The following SLC5A9 variants were observed in gnomAD, a reference collection of about 807,000 sequenced individuals.
SLC5A9 encodes the protein solute carrier family 5 member 9, also known as sodium/glucose cotransporter 4.
In SLC5A9, 59 loss-of-function variants were observed where a neutral mutation model predicts 70.9. The observed-to-expected ratio is 0.83, with a 90% CI of 0.68 to 1.03. The LOEUF (loss-of-function observed/expected upper bound fraction) is 1.03. Among genes scored for constraint, SLC5A9 ranks in the 50% least tolerant of loss-of-function variants. The pLI is 0.00. For synonymous variants in SLC5A9, 340 were observed against 346.5 expected (o/e 0.98, Z 0.21); for missense variants, 832 against 881.1 (o/e 0.94, Z 0.71).
Position 48,228,860 on chromosome 1 carries a change from C to G in SLC5A9, c.245C>G (p.Ser82Cys), listed in dbSNP as rs1644202146. The change falls in exon 3 of 14, where the codon TCT (serine) becomes TGT (cysteine). Residue 82 changes from serine (S) to cysteine (C), a missense_variant. Ser to Cys is a moderately radical substitution (Grantham distance 112). Coordinates refer to ENST00000438567, the MANE Select transcript of SLC5A9 (RefSeq NM_001011547.3). ...AACTGTGCCTTGCAGATTGGAGCAT[C>G]TCTGATGTCCAGCAATGTGGGCAGT... ...RSMSWWPIGA[S>C]LMSSNVGSGL... 4.3e-6 allele frequency: 7 copies of G among 1,613,708 alleles called. No individual in the cohort carries two copies. The highest frequency in any genetic ancestry group is 5.9e-6 in the Non-Finnish European group (7 of 1,179,934).
At position 48,247,669 on chromosome 1, in the gene SLC5A9, C is replaced by A; in HGVS notation, c.*126C>A. On this transcript the variant is annotated 3_prime_UTR_variant, in exon 14 of 14. Coordinates refer to ENST00000438567, the MANE Select transcript of SLC5A9 (RefSeq NM_001011547.3). ...CACAGAAGTCAAGACTGCAAGCTCC[C>A]CTGAAGAGAATCCAACTCAACCTGC... 1 of 892,604 alleles carries A rather than the reference C, an allele frequency of 1.1e-6. No homozygotes were observed. Among genetic ancestry groups the A allele is most frequent in the East Asian group, 2.6e-5 (1 of 38,948 alleles). 55.3% of individuals were successfully genotyped at this position (892,604 alleles called of 1,614,324 possible).
chr1:48,232,327 C>A, intron 7 of SLC5A9, 40 bp from the exon 8 acceptor site: 1 of 1,609,124 alleles, frequency 6.2e-7, no homozygotes, highest in Non-Finnish European at 8.5e-7. Context: ...ATGAGCCTCT[C>A]CTCTACCTGC....
In SLC5A9 at chr1:48,237,641, C is replaced by T. The variant is rs771376914; in HGVS notation, c.1293-38C>T. On this transcript the variant is annotated intron_variant, in intron 10 of 13. Transcript: ENST00000438567. ...TTCACCCCACACCACACCATGCCCA[C>T]CCGAGTGTGCCTCAGTGCCCTGTGC... 8.7e-6 allele frequency: 14 copies of T among 1,604,108 alleles called. No homozygotes were observed. In the East Asian group the frequency reaches 2.7e-4, roughly 31 times the overall value.
Position 48,233,695 on chromosome 1 carries a change from CTG to C in SLC5A9, c.1077_1078del (p.Cys359TrpfsTer13), listed in dbSNP as rs1413106351. The C allele has an allele frequency of 6.2e-7, 1 of 1,614,130 alleles. No homozygotes were observed. The highest frequency in any genetic ancestry group is 2.2e-5 in the East Asian group (1 of 44,852). ...CVDPDVCQRI[C>X]GARVGCSNIA... ...TGGACCCTGATGTCTGCCAAAGAAT[CTG>C]TGGGGCCCGAGTGGGATGTTCCAAC... On this transcript the variant is annotated frameshift_variant, in exon 9 of 14. Coordinates refer to ENST00000438567, the MANE Select transcript of SLC5A9 (RefSeq NM_001011547.3). LOFTEE classifies it high-confidence loss of function.
intron 2 of SLC5A9, among the ~76,000 whole-genome samples, chr1:48,227,375 A>G (rs1415600873): frequency 2.7e-5 from 2 of 74,224 alleles, no homozygotes; most frequent in South Asian, 4.6e-4. Context: ...GTGTGATTGC[A>G]TGTGTGAGAG....
chr1:48,244,878 G>GTATATATATATATATACATATA (rs1644440801), intron 13 of SLC5A9, among the ~76,000 whole-genome samples: 1 of 29,418 alleles, frequency 3.4e-5, no homozygotes, highest in Non-Finnish European at 7.7e-5. Context: ...ATGTGTATGT[G>GTATATATATATATATACATATA]TATATATATA....
rs766752160 is a variant in SLC5A9, at chr1:48,232,049, T to A, written c.795T>A (p.Asp265Glu). Residue 265 changes from aspartate to glutamate, a missense_variant, in exon 7 of 14, where the codon GAT (aspartate) becomes GAA (glutamate). Asp to Glu is a conservative substitution (Grantham distance 45). Transcript: ENST00000438567. ...PNTTCHLPRP[D>E]AFHILRDPVS... ...CCACCTGTCACCTCCCACGGCCCGA[T>A]GCTTTCCACATTCTTCGGGACCCTG... The A allele has an allele frequency of 3.7e-5, 59 of 1,614,046 alleles. No homozygotes were observed. Among genetic ancestry groups the A allele is most frequent in the Non-Finnish European group, 4.9e-5 (58 of 1,180,016 alleles).
In SLC5A9 at chr1:48,235,786, C is replaced by T; in HGVS notation, c.1199C>T (p.Ser400Phe). The change falls in exon 10 of 14, where the codon TCC becomes TTC. Residue 400 changes from serine to phenylalanine, a missense_variant. By Grantham distance (155) the Ser-to-Phe change is radical. Coordinates refer to ENST00000438567, the MANE Select transcript of SLC5A9 (RefSeq NM_001011547.3). ...IMAALMSSLT[S>F]IFNSSSTLFT... ...GCCGCTCTCATGAGCTCACTCACCT[C>T]CATCTTCAACAGCAGCAGCACCCTG... 1 of 1,614,226 alleles carries T rather than the reference C, an allele frequency of 6.2e-7. No individual in the cohort carries two copies. Among genetic ancestry groups the T allele is most frequent in the South Asian group, 1.1e-5 (1 of 91,086 alleles).
rs773684308 is a variant in SLC5A9, at chr1:48,235,874, G to A, written c.1287G>A (p.Val429=). Residue 429 remains valine (V), a synonymous_variant, in exon 10 of 14, where the codon GTG becomes GTA. Transcript: ENST00000438567. ...RKSTEQELMV[V]GRVFVVFLVV... ...CAACAGAGCAGGAGCTGATGGTGGTGGGCAGGTGCGCCGGCCCCTCCTTCC... is the reference window on the plus strand; with the variant it reads ...CAACAGAGCAGGAGCTGATGGTGGTAGGCAGGTGCGCCGGCCCCTCCTTCC... 16 of 1,614,014 alleles carry A rather than the reference G, an allele frequency of 9.9e-6. 1 individual carries two copies. The highest frequency in any genetic ancestry group is 4.4e-5 in the South Asian group (4 of 91,080).
At chr1:48,244,832 A>AAAT (rs1247451660) in intron 13 of SLC5A9, among the ~76,000 whole-genome samples, 3 of 116,454 alleles carry the variant, frequency 2.6e-5, no homozygotes, top group African/African-American at 6.4e-5. Context: ...TATTATATAT[A>AAAT]TAAATTATAT....
At position 48,222,768 on chromosome 1, in the gene SLC5A9, G is replaced by C. The variant is rs1312490659; in HGVS notation, c.32G>C (p.Gly11Ala). MSKELAAMGP[G>A]ASGDGVRTET... ...AAGGAGCTGGCAGCAATGGGGCCTG[G>C]AGCTTCAGGGGACGGGGTCAGGACT... The change falls in exon 1 of 14, where the codon GGA (glycine) becomes GCA (alanine). Residue 11 changes from glycine (G) to alanine (A), a missense_variant. Gly to Ala is a moderately conservative substitution (Grantham distance 60). Coordinates refer to ENST00000438567, the MANE Select transcript of SLC5A9 (RefSeq NM_001011547.3). 1.2e-6 allele frequency: 2 copies of C among 1,614,186 alleles called. No homozygotes were observed. Among genetic ancestry groups the C allele is most frequent in the Non-Finnish European group, 1.7e-6 (2 of 1,180,028 alleles).
At position 48,230,606 on chromosome 1, in the gene SLC5A9, A is replaced by G. The variant is rs2148570946; in HGVS notation, c.511A>G (p.Ile171Val). ...GGGTCCTGGCTCTCTGCAGACTGAC[A>G]TCTTCTCTGGAGCCCTCTTCATCCA... ...LYIFTKISTD[I>V]FSGALFIQMA... The change falls in exon 5 of 14, where the codon ATC (isoleucine) becomes GTC (valine). Residue 171 changes from isoleucine (I) to valine (V), a missense_variant. Coordinates refer to ENST00000438567, the MANE Select transcript of SLC5A9 (RefSeq NM_001011547.3). The G allele has an allele frequency of 6.2e-7, 1 of 1,613,854 alleles. No individual in the cohort carries two copies. The highest frequency in any genetic ancestry group is 8.5e-7 in the Non-Finnish European group (1 of 1,179,832).
chr1:48,223,148 C>T (rs1349166501), intron 1 of SLC5A9, among the ~76,000 whole-genome samples: 4 of 152,132 alleles, frequency 2.6e-5, no homozygotes, highest in Non-Finnish European at 4.4e-5. Context: ...TGACTCCTCT[C>T]TGAGCACCTG....
chr1:48,229,534 G>A (rs1258210850), intron 4 of SLC5A9, 75 bp downstream of exon 4: 20 of 1,572,204 alleles, frequency 1.3e-5, no homozygotes, highest in South Asian at 3.5e-5. Context: ...CACCATGTGC[G>A]TGTTGCTGAG....
intron 2 of SLC5A9, among the ~76,000 whole-genome samples, chr1:48,225,491 C>T (rs1010926356): frequency 3.9e-5 from 6 of 152,108 alleles, no homozygotes; most frequent in Non-Finnish European, 8.8e-5. Context: ...TTAACTTCCT[C>T]CTCCTGGAAT....
chr1:48,237,889 T>A, intron 11 of SLC5A9, 42 bp downstream of exon 11: 4 of 1,599,196 alleles, frequency 2.5e-6, no homozygotes, highest in Non-Finnish European at 3.4e-6. Context: ...GCAGAGGGGC[T>A]GGAGACCTGG....
rs1254262883 is a variant in SLC5A9, at chr1:48,230,715, G to C, written c.610+10G>C. 2 of 1,602,276 alleles carry C rather than the reference G, an allele frequency of 1.2e-6. No individual in the cohort carries two copies. The highest frequency in any genetic ancestry group is 2.7e-5 in the African/African-American group (2 of 74,724). On this transcript the variant is annotated intron_variant, in intron 5 of 13. Transcript: ENST00000438567. ...GTCTACACCATTGCAGGTAGGCAGAGGGAAGAGGGCAAGAGGAAAGCTTCT... is the reference window on the plus strand; with the variant it reads ...GTCTACACCATTGCAGGTAGGCAGACGGAAGAGGGCAAGAGGAAAGCTTCT...
Position 48,232,474 on chromosome 1 carries a change from T to C in SLC5A9, c.1005T>C (p.Pro335=). 6.2e-7 allele frequency: 1 copy of C among 1,614,206 alleles called. No individual in the cohort carries two copies. ...KILPMFFIVM[P]GMISRALFPD... Reference sequence around the variant, plus strand: ...TCCCCATGTTCTTCATCGTCATGCCTGGCATGATCAGCCGGGCCCTGTTCC... The same window carrying C: ...TCCCCATGTTCTTCATCGTCATGCCCGGCATGATCAGCCGGGCCCTGTTCC... Residue 335 remains proline, a synonymous_variant, in exon 8 of 14, where the codon CCT becomes CCC. Coordinates refer to ENST00000438567, the MANE Select transcript of SLC5A9 (RefSeq NM_001011547.3).
intron 2 of SLC5A9, 43 bp from the exon 3 acceptor site, chr1:48,228,807 A>T (rs1470494545): frequency 6.2e-7 from 1 of 1,607,162 alleles, no homozygotes; most frequent in South Asian, 1.1e-5. Context: ...ATTCATTCAG[A>T]TCACTCCTGA....
Sources: gnomAD v4.1 joint callset for allele counts (sites outside exome capture counted in the v4.1 genomes callset) on GRCh38, gnomAD v4.1.1 for gene constraint, MANE v1.5 for transcripts, NCBI Gene and HGNC (gene_info 2026-07-23, HGNC 2026-07-21) for gene names.